Variants in SH3RF1 observed in about 807,000 individuals in gnomAD.
The protein encoded by SH3RF1 is SH3 domain containing ring finger 1, also known as E3 ubiquitin-protein ligase SH3RF1.
SH3RF1 carries 32 observed loss-of-function variants against 74.0 expected under a neutral mutation model. The ratio of observed to expected loss-of-function variants is 0.43; its 90% CI spans 0.33 to 0.58. The LOEUF (loss-of-function observed/expected upper bound fraction) is 0.58. Among genes scored for constraint, SH3RF1 ranks in the 20% least tolerant of loss-of-function variants. The pLI is 0.05. For synonymous variants in SH3RF1, 396 were observed against 439.6 expected, an observed-to-expected ratio of 0.90 and a Z score of 1.24; for missense variants, 954 against 1,130.9, an observed-to-expected ratio of 0.84 and a Z score of 2.24.
At chr4:169,264,534 A>G (rs986741240) in intron 2 of SH3RF1, among the ~76,000 whole-genome samples, 25 of 152,146 alleles carry the variant, frequency 1.6e-4, no homozygotes, top group Admixed American at 1.1e-3. Context: ...GGAGAAATGA[A>G]AGCAGACACA....
chr4:169,215,170 G>T (rs1383316763), intron 2 of SH3RF1, among the ~76,000 whole-genome samples: 1 of 152,124 alleles, frequency 6.6e-6, no homozygotes, highest in Non-Finnish European at 1.5e-5. Context: ...TATCAAGAAT[G>T]GGTGTTGAAT....
chr4:169,124,879 A>G (rs1733499379), intron 6 of SH3RF1, among the ~76,000 whole-genome samples: 1 of 152,188 alleles, frequency 6.6e-6, no homozygotes, highest in African/African-American at 2.4e-5. Context: ...AAATTTCCAC[A>G]GAGTAAAACC....
intron 2 of SH3RF1, among the ~76,000 whole-genome samples, chr4:169,216,049 C>T (rs1490986777): frequency 6.6e-6 from 1 of 152,088 alleles, no homozygotes; most frequent in East Asian, 1.9e-4. Flanking sequence ...AGAGATCTGC[C>T]CACCTTGGCC....
At chr4:169,225,622 A>G (rs1188110235) in intron 2 of SH3RF1, among the ~76,000 whole-genome samples, 1 of 152,228 alleles carries the variant, frequency 6.6e-6, no homozygotes, top group Non-Finnish European at 1.5e-5. Context: ...CAAGACAGAA[A>G]GGTGACTGCA....
At chr4:169,139,991 A>G (rs1396647331) in intron 4 of SH3RF1, among the ~76,000 whole-genome samples, 1 of 152,074 alleles carries the variant, frequency 6.6e-6, no homozygotes, top group Non-Finnish European at 1.5e-5. Context: ...AGCCTAGCAT[A>G]TTTTTTCTGC....
rs1307198059 is a variant in SH3RF1 at position 169,120,868 on chromosome 4, T to A, written c.1468A>T (p.Thr490Ser). Residue 490 changes from threonine (T) to serine (S), a missense_variant, in exon 8 of 12, where the codon ACC (threonine) becomes TCC (serine). Physicochemically the swap from Thr to Ser is moderately conservative, Grantham distance 58 (BLOSUM62 1). Coordinates refer to ENST00000284637, the MANE Select transcript of SH3RF1 (RefSeq NM_020870.4). ...CCAGGGAAAACCCCTATCTTGCTGG[T>A]ATGCATGGATGTCCCTTTGAACCAG... ...DGWFKGTSMH[T>S]SKIGVFPGNY... 1 of 1,614,222 alleles carries A rather than the reference T, an allele frequency of 6.2e-7. No individual in the cohort carries two copies. The highest frequency in any genetic ancestry group is 1.7e-5 in the Admixed American group (1 of 60,030).
At chr4:169,184,905 G>A (rs376654092) in intron 2 of SH3RF1, among the ~76,000 whole-genome samples, 1 of 152,036 alleles carries the variant, frequency 6.6e-6, no homozygotes, top group African/African-American at 2.4e-5. Context: ...TGAGATAAAC[G>A]GTTTTATTTC....
chr4:169,117,450 C>T, intron 9 of SH3RF1, 73 bp downstream of exon 9: 1 of 1,565,554 alleles, frequency 6.4e-7, no homozygotes, highest in Non-Finnish European at 8.7e-7. Context: ...TTCTCAACAT[C>T]TGTCATAAAA....
At chr4:169,134,435 A>G (rs1226162422) in intron 5 of SH3RF1, among the ~76,000 whole-genome samples, 1 of 152,220 alleles carries the variant, frequency 6.6e-6, no homozygotes, top group African/African-American at 2.4e-5. Flanking sequence ...CTCTAATGCC[A>G]AAAGATTATT....
intron 2 of SH3RF1, among the ~76,000 whole-genome samples, chr4:169,255,384 T>C (rs748973872): frequency 2.6e-5 from 4 of 152,306 alleles, no homozygotes; most frequent in Middle Eastern, 3.4e-3. Context: ...TCTGTTTATA[T>C]ATGTCACAAT....
At chr4:169,150,637 G>T (rs1561037697) in intron 4 of SH3RF1, among the ~76,000 whole-genome samples, 1 of 152,184 alleles carries the variant, frequency 6.6e-6, no homozygotes, top group East Asian at 1.9e-4. Flanking sequence ...CCCCCAGGGG[G>T]GTCTTCTCTA....
chr4:169,245,577 G>A (rs1442688000), intron 2 of SH3RF1, among the ~76,000 whole-genome samples: 1 of 152,048 alleles, frequency 6.6e-6, no homozygotes. Context: ...TCAACTAACT[G>A]TCCTCAAGAT....
At position 169,268,795 on chromosome 4, in the gene SH3RF1, CA is replaced by C. The variant is rs750579627; in HGVS notation, c.393+24del. On this transcript the variant is annotated intron_variant, in intron 2 of 11. Coordinates refer to ENST00000284637, the MANE Select transcript of SH3RF1 (RefSeq NM_020870.4). ...TGTGGACATTACCACCTTTATTCACCAAACTACCTCTGTAGGCTACTTACCC... is the reference window on the plus strand; with the variant it reads ...TGTGGACATTACCACCTTTATTCACCAACTACCTCTGTAGGCTACTTACCC... 1.1e-4 allele frequency: 174 copies of C among 1,529,660 alleles called. 1 individual carries two copies. Among genetic ancestry groups the C allele is most frequent in the Non-Finnish European group, 1.4e-4 (158 of 1,142,998 alleles). The allele number at this position is 1,529,660 out of a possible 1,614,324, so 94.8% of individuals were successfully genotyped here.
chr4:169,104,942 T>C (rs1733107699), intron 11 of SH3RF1, among the ~76,000 whole-genome samples: 1 of 151,928 alleles, frequency 6.6e-6, no homozygotes, highest in Non-Finnish European at 1.5e-5. Context: ...AGCTTTGCAC[T>C]TAATGTAAGT....
intron 2 of SH3RF1, among the ~76,000 whole-genome samples, chr4:169,219,515 C>CA (rs973434961): frequency 5.3e-5 from 8 of 151,814 alleles, no homozygotes; most frequent in African/African-American, 9.7e-5. Flanking sequence ...TATTCGCTTA[C>CA]AAAAAAAACC....
chr4:169,196,160 G>A (rs1000687487), intron 2 of SH3RF1, among the ~76,000 whole-genome samples: 5 of 152,088 alleles, frequency 3.3e-5, no homozygotes, highest in African/African-American at 1.2e-4. Context: ...AATCTATGAA[G>A]CTTTAATGTA....
At chr4:169,172,517 A>G (rs1395608489) in intron 2 of SH3RF1, among the ~76,000 whole-genome samples, 1 of 152,204 alleles carries the variant, frequency 6.6e-6, no homozygotes, top group Non-Finnish European at 1.5e-5. Flanking sequence ...CAGTTGTACA[A>G]AATATAGTTG....
intron 4 of SH3RF1, among the ~76,000 whole-genome samples, chr4:169,149,727 G>A (rs964754971): frequency 2.0e-5 from 3 of 151,900 alleles, no homozygotes; most frequent in Non-Finnish European, 2.9e-5. Flanking sequence ...AATTTTTAAA[G>A]GAAAATAATA....
rs530996386 is a variant in SH3RF1 at position 169,220,665 on chromosome 4, GT to G, written c.393+48154del. ...AGCTCCAATGGGATTAGCTTTCACT[GT>G]ACTGGATTCCTCTGTCAAACAACTG... is the stretch of plus-strand genomic sequence containing the variant. On this transcript the variant is annotated intron_variant, in intron 2 of 11. Coordinates refer to ENST00000284637, the MANE Select transcript of SH3RF1 (RefSeq NM_020870.4). Among the ~76,000 whole-genome samples, 1,129 of 152,284 alleles carry G rather than the reference GT, an allele frequency of 7.4e-3. 5 individuals are homozygous for G. The highest frequency in any genetic ancestry group is 0.012 in the Non-Finnish European group (830 of 68,018).
Sources: allele counts gnomAD v4.1 joint callset (sites outside exome capture counted in the v4.1 genomes callset), GRCh38; gene constraint gnomAD v4.1.1; transcripts MANE v1.5; gene names NCBI Gene and HGNC (gene_info 2026-07-23, HGNC 2026-07-21).